The following ACLY variants were observed in gnomAD, a reference collection of about 807,000 sequenced individuals.
The protein encoded by ACLY is ATP citrate lyase.
A neutral mutation model predicts 133.0 loss-of-function variants in ACLY; 41 were observed. That is an observed-to-expected ratio of 0.31 (90% CI 0.24 to 0.40). The LOEUF (loss-of-function observed/expected upper bound fraction) is 0.40. ACLY is among the 10% of genes least tolerant of loss of function. The pLI is 1.00. For missense variants in ACLY, 1,046 were observed against 1,453.8 expected, an observed-to-expected ratio of 0.72 and a Z score of 4.56; for synonymous variants, 495 against 549.3, an observed-to-expected ratio of 0.90 and a Z score of 1.38.
At chr17:41,875,576 C>T (rs563589839) in intron 22 of ACLY, among the ~76,000 whole-genome samples, 14 of 152,244 alleles carry the variant, frequency 9.2e-5, no homozygotes, top group African/African-American at 2.2e-4. Context: ...CGAGTGCCTG[C>T]GATTGCAGGC....
intron 1 of ACLY, among the ~76,000 whole-genome samples, chr17:41,927,624 G>A (rs2050259155): frequency 6.6e-6 from 1 of 152,116 alleles, no homozygotes; most frequent in Non-Finnish European, 1.5e-5. Context: ...TCAGAAGTTC[G>A]AGATTAGCCT....
intron 1 of ACLY, among the ~76,000 whole-genome samples, chr17:41,924,109 C>T (rs961165750): frequency 2.0e-5 from 3 of 149,304 alleles, no homozygotes; most frequent in South Asian, 4.3e-4. Flanking sequence ...ACGCCCGGCC[C>T]AGTTCTACTA....
chr17:41,921,883 T>C (rs2050187740), upstream of ACLY, among the ~76,000 whole-genome samples: 1 of 152,052 alleles, frequency 6.6e-6, no homozygotes, highest in Admixed American at 6.6e-5. Context: ...GAGAATCACT[T>C]GAGCCCAGGA....
chr17:41,869,798 A>T (rs1382733482), intron 25 of ACLY, among the ~76,000 whole-genome samples: 1 of 152,096 alleles, frequency 6.6e-6, no homozygotes, highest in Admixed American at 6.5e-5. Flanking sequence ...ACACAAAACA[A>T]CCTTGGTAGG....
At chr17:41,870,161 A>G (rs181888159) in intron 25 of ACLY, among the ~76,000 whole-genome samples, 101 of 152,340 alleles carry the variant, frequency 6.6e-4, no homozygotes, top group African/African-American at 2.1e-3. Flanking sequence ...AGCAAAAGAG[A>G]TAGCTGGGTC....
exon 1 of ACLY, chr17:41,930,537 G>C (rs566095638): frequency 1.1e-5 from 6 of 555,920 alleles, no homozygotes; most frequent in Middle Eastern, 9.9e-4. Context: ...CCCAGTGCGC[G>C]GCAGAACTGG....
In ACLY at chr17:41,869,123, C is replaced by T. The variant is rs370420342; in HGVS notation, c.3054G>A (p.Lys1018=). Residue 1018 remains lysine (K), a splice_region_variant and synonymous_variant, in exon 27 of 29, where the codon AAG becomes AAA. Transcript: ENST00000352035. The part of the protein sequence containing the change: ...LEVEKITTSK[K]PNLILNVDGL... ...CATCTACATTCAGGATAAGATTTGG[C>T]TTCTGGGAAGGCAAAAAAATTCAAA... is the stretch of plus-strand genomic sequence containing the variant. 1.4e-5 allele frequency: 23 copies of T among 1,608,826 alleles called. No individual in the cohort carries two copies. The African/African-American group carries it at 2.8e-4, about 20-fold the overall frequency.
At chr17:41,920,846 G>A (rs1555635334), upstream of ACLY, among the ~76,000 whole-genome samples, 2 of 152,040 alleles carry the variant, frequency 1.3e-5, no homozygotes, top group Admixed American at 6.6e-5. Flanking sequence ...ACCTGAGTTC[G>A]AGGTCAAGCG....
chr17:41,908,489 C>A (rs1272780831), intron 6 of ACLY, among the ~76,000 whole-genome samples: 1 of 152,188 alleles, frequency 6.6e-6, no homozygotes, highest in South Asian at 2.1e-4. Flanking sequence ...TCTGGCCGGG[C>A]GTGGTGGCTC....
In ACLY at chr17:41,887,622, C is replaced by T. The variant is rs1555628475; in HGVS notation, c.1852G>A (p.Val618Met). ...KLIKKADQKG[V>M]TIIGPATVGG... Reference sequence around the variant, plus strand: ...ACAGTGGCAGGTCCGATGATGGTCACTCCCTTCTGGTCCGCCTTCTTGATC... The same window carrying T: ...ACAGTGGCAGGTCCGATGATGGTCATTCCCTTCTGGTCCGCCTTCTTGATC... Residue 618 changes from valine (V) to methionine (M), a missense_variant, in exon 17 of 29, where the codon GTG (valine) becomes ATG (methionine). Physicochemically the swap from Val to Met is conservative, Grantham distance 21 (BLOSUM62 1). Around this residue, in one of 4 missense-constraint regions of ACLY, gnomAD observed 575 missense variants for 804.2 expected, o/e 0.71. Transcript: ENST00000352035. The T allele has an allele frequency of 1.2e-6, 2 of 1,613,790 alleles. No individual in the cohort carries two copies. The highest frequency in any genetic ancestry group is 1.3e-5 in the African/African-American group (1 of 74,922).
chr17:41,913,917 G>A lies in ACLY; in HGVS notation c.-23-21C>T, dbSNP rs201809623. On this transcript the variant is annotated intron_variant, in intron 1 of 28. Coordinates refer to ENST00000352035, the MANE Select transcript of ACLY (RefSeq NM_001096.3). The stretch of plus-strand genomic sequence containing the variant: ...TCTACCTGTCTGGGAGAGAGAAGCT[G>A]GTCAGAAGGGGGCAGGCGTGTGGAG... 5.3e-5 allele frequency: 86 copies of A among 1,612,370 alleles called. 1 individual carries two copies. In the East Asian group the frequency reaches 1.7e-3, roughly 32 times the overall value.
At chr17:41,891,577 G>T (rs1220648125) in intron 16 of ACLY, among the ~76,000 whole-genome samples, 1 of 151,428 alleles carries the variant, frequency 6.6e-6, no homozygotes, top group Non-Finnish European at 1.5e-5. Flanking sequence ...TTTTTTATAG[G>T]GACAGGGTCT....
intron 13 of ACLY, 139 bp from the exon 14 acceptor site, chr17:41,896,788 AATG>A (rs2049380504): frequency 1.5e-6 from 1 of 679,904 alleles, no homozygotes; most frequent in African/African-American, 1.8e-5. Context: ...CCTGTTCTGC[AATG>A]GACAACGGAG....
At chr17:41,920,993 C>T (rs990474432), upstream of ACLY, among the ~76,000 whole-genome samples, 6 of 151,488 alleles carry the variant, frequency 4.0e-5, no homozygotes, top group African/African-American at 9.7e-5. Context: ...ACCCAGGAGG[C>T]GGAGGCAGGA....
chr17:41,910,064 C>G (rs1461949823), intron 4 of ACLY, among the ~76,000 whole-genome samples, 158 bp downstream of exon 4: 1 of 152,170 alleles, frequency 6.6e-6, no homozygotes, highest in Non-Finnish European at 1.5e-5. Context: ...CCCCTCTGGA[C>G]TCCCGAGTCC....
chr17:41,920,931 A>T (rs1202971133), upstream of ACLY, among the ~76,000 whole-genome samples: 2 of 151,976 alleles, frequency 1.3e-5, no homozygotes, highest in Admixed American at 6.6e-5. Flanking sequence ...GCGTGGTGGC[A>T]GGTGCCTGTA....
At chr17:41,927,201 T>A (rs2050254137) in intron 1 of ACLY, among the ~76,000 whole-genome samples, 1 of 152,206 alleles carries the variant, frequency 6.6e-6, no homozygotes, top group Non-Finnish European at 1.5e-5. Context: ...TATATACCTG[T>A]GAAACAATTA....
intron 16 of ACLY, among the ~76,000 whole-genome samples, chr17:41,891,707 T>G (rs112911848): frequency 6.6e-6 from 1 of 152,116 alleles, no homozygotes; most frequent in Non-Finnish European, 1.5e-5. Context: ...CTTTATTTAA[T>G]TTTTTAAAGA....
chr17:41,905,427 G>A, intron 9 of ACLY, 95 bp downstream of exon 9: 1 of 1,529,414 alleles, frequency 6.5e-7, no homozygotes, highest in South Asian at 1.2e-5. Context: ...ACCACACACA[G>A]CCTTGGTGAC....
Sources: gnomAD v4.1 joint callset for allele counts (sites outside exome capture counted in the v4.1 genomes callset) on GRCh38, gnomAD v4.1.1 for gene constraint, gnomAD v4.1.1 regional missense constraint, MANE v1.5 for transcripts, NCBI Gene and HGNC (gene_info 2026-07-23, HGNC 2026-07-21) for gene names.